The following TMEM9B variants were observed in gnomAD, a reference collection of about 807,000 sequenced individuals.
TMEM9B encodes the protein TMEM9 domain family member B, also known as transmembrane protein 9B.
TMEM9B carries 8 observed loss-of-function variants against 23.5 expected under a neutral mutation model. The observed-to-expected ratio is 0.34, with a 90% CI of 0.20 to 0.61. The LOEUF is 0.61. TMEM9B is among the 20% of genes least tolerant of loss of function. The pLI is 0.78. For synonymous variants in TMEM9B, 106 were observed against 96.3 expected (o/e 1.10, Z -0.59); for missense variants, 197 against 252.3 (o/e 0.78, Z 1.49).
chr11:8,948,927 T>C (rs1853826617), intron 4 of TMEM9B, among the ~76,000 whole-genome samples: 1 of 152,236 alleles, frequency 6.6e-6, no homozygotes, highest in Admixed American at 6.5e-5. Context: ...AAGATCTGTC[T>C]TTTAATTTCC....
At chr11:8,951,285 A>C (rs1425827909) in intron 4 of TMEM9B, among the ~76,000 whole-genome samples, 1 of 152,222 alleles carries the variant, frequency 6.6e-6, no homozygotes, top group African/African-American at 2.4e-5. Context: ...TGCACGAGCC[A>C]TTCCAGGGTA....
In TMEM9B at chr11:8,956,263, C is replaced by T. The variant is rs762813284; in HGVS notation, c.233G>A (p.Arg78Gln). 28 of 1,613,608 alleles carry T rather than the reference C, an allele frequency of 1.7e-5. No homozygotes were observed. The highest frequency in any genetic ancestry group is 2.2e-5 in the Non-Finnish European group (26 of 1,180,004). ...ACAGTATGCTTCTACATCAGGCCCC[C>T]GCACAGGCATGGGCTCCACAACATG... Reference protein sequence around the residue: ...CLHVVEPMPVRGPDVEAYCLR... With the variant: ...CLHVVEPMPVQGPDVEAYCLR... Residue 78 changes from arginine to glutamine, a missense_variant, in exon 3 of 5, where the codon CGG (arginine) becomes CAG (glutamine). Arg to Gln is a conservative substitution (Grantham distance 43, BLOSUM62 1). Around this residue, in one of 2 missense-constraint regions of TMEM9B, gnomAD observed 141 missense variants for 214.1 expected, o/e 0.66. Coordinates refer to ENST00000534025, the MANE Select transcript of TMEM9B (RefSeq NM_020644.3).
At chr11:8,954,799 C>G (rs1853943791) in intron 3 of TMEM9B, among the ~76,000 whole-genome samples, 1 of 152,172 alleles carries the variant, frequency 6.6e-6, no homozygotes, top group African/African-American at 2.4e-5. Context: ...ACTATTATAA[C>G]TAACCACCCC....
At chr11:8,955,012 G>A (rs2742489) in intron 3 of TMEM9B, among the ~76,000 whole-genome samples, 90,028 of 151,690 alleles carry the variant, frequency 0.59, 27,086 homozygotes, top group East Asian at 0.77. Context: ...TTAGCTGGGC[G>A]TGGTGGTGCA....
chr11:8,960,560 T>G (rs1725628063), intron 2 of TMEM9B, among the ~76,000 whole-genome samples: 1 of 152,194 alleles, frequency 6.6e-6, no homozygotes, highest in African/African-American at 2.4e-5. Context: ...ACCACTTGAA[T>G]AGTGAGTTCA....
intron 3 of TMEM9B, 94 bp downstream of exon 3, chr11:8,956,096 G>T (rs1220374449): frequency 9.0e-7 from 1 of 1,111,040 alleles, no homozygotes; most frequent in Non-Finnish European, 1.3e-6. Flanking sequence ...TGGGGTAGGG[G>T]TCCAAATTTT....
chr11:8,951,205 A>G (rs1853868396), intron 4 of TMEM9B, among the ~76,000 whole-genome samples: 1 of 152,194 alleles, frequency 6.6e-6, no homozygotes, highest in African/African-American at 2.4e-5. Context: ...TATTTCTGAA[A>G]TCAGGAACAG....
intron 2 of TMEM9B, among the ~76,000 whole-genome samples, chr11:8,958,869 C>A (rs1375840149): frequency 1.3e-5 from 2 of 152,138 alleles, no homozygotes; most frequent in East Asian, 3.9e-4. Context: ...CCGCACCCGG[C>A]CCAGGTTATT....
chr11:8,953,119 ATATATGAC>A, intron 4 of TMEM9B, 76 bp downstream of exon 4: 1 of 1,538,212 alleles, frequency 6.5e-7, no homozygotes, highest in Non-Finnish European at 9.0e-7. Context: ...GTGAACATCT[ATATATGAC>A]TATTTTTCAC....
chr11:8,958,574 CTTTT>C (rs111765985), intron 2 of TMEM9B, among the ~76,000 whole-genome samples: 2 of 136,686 alleles, frequency 1.5e-5, no homozygotes, highest in Non-Finnish European at 1.6e-5. Flanking sequence ...TTAGGTTATT[CTTTT>C]TTTTTTTTTT....
chr11:8,951,836 T>G (rs1217392259), intron 4 of TMEM9B, among the ~76,000 whole-genome samples: 1 of 151,684 alleles, frequency 6.6e-6, no homozygotes. Flanking sequence ...CCAGGCGCAG[T>G]GGCTCACACC....
intron 4 of TMEM9B, among the ~76,000 whole-genome samples, chr11:8,950,696 A>G (rs1853858379): frequency 6.6e-6 from 1 of 152,340 alleles, no homozygotes; most frequent in African/African-American, 2.4e-5. Flanking sequence ...AATACAAAAC[A>G]TGTTTTACTG....
At chr11:8,956,431 A>C (rs1032655472) in intron 2 of TMEM9B, 133 bp from the exon 3 acceptor site, 25 of 633,912 alleles carry the variant, frequency 3.9e-5, no homozygotes, top group Non-Finnish European at 5.8e-5. Context: ...ATAATCAATA[A>C]GATAAAGTAA....
At chr11:8,954,415 A>G (rs1455319973) in intron 3 of TMEM9B, among the ~76,000 whole-genome samples, 3 of 151,972 alleles carry the variant, frequency 2.0e-5, no homozygotes, top group Non-Finnish European at 4.4e-5. Context: ...TAGCCTCCCA[A>G]GTAGCTGGGA....
chr11:8,951,859 A>C (rs1388204195), intron 4 of TMEM9B, among the ~76,000 whole-genome samples: 1 of 152,088 alleles, frequency 6.6e-6, no homozygotes, highest in African/African-American at 2.4e-5. Flanking sequence ...TAATCCCAGC[A>C]CTTTGGGAGG....
intron 1 of TMEM9B, 122 bp downstream of exon 1, chr11:8,964,087 G>A: frequency 1.0e-6 from 1 of 969,958 alleles, no homozygotes. Context: ...GTCTGCCGGA[G>A]CTGTGAGGCC....
chr11:8,956,379 A>G (rs1440669111), intron 2 of TMEM9B, 81 bp from the exon 3 acceptor site: 3 of 1,048,270 alleles, frequency 2.9e-6, no homozygotes, highest in Non-Finnish European at 4.2e-6. Context: ...TGAAATCTAG[A>G]ATAATCACTA....
At chr11:8,949,508 T>A (rs1350860069) in intron 4 of TMEM9B, among the ~76,000 whole-genome samples, 6 of 152,232 alleles carry the variant, frequency 3.9e-5, no homozygotes, top group Non-Finnish European at 7.3e-5. Flanking sequence ...TATACTAAAC[T>A]TTGCCTCTAG....
intron 4 of TMEM9B, among the ~76,000 whole-genome samples, chr11:8,952,279 CGCT>C (rs1853897268): frequency 3.1e-4 from 39 of 126,124 alleles, no homozygotes; most frequent in South Asian, 7.7e-4. Flanking sequence ...CACACACACA[CGCT>C]ATATATATAT....
Sources: gnomAD v4.1 joint callset for allele counts (sites outside exome capture counted in the v4.1 genomes callset) on GRCh38, gnomAD v4.1.1 for gene constraint, gnomAD v4.1.1 regional missense constraint, MANE v1.5 for transcripts, NCBI Gene and HGNC (gene_info 2026-07-23, HGNC 2026-07-21) for gene names.